Variants in BORA observed in about 807,000 individuals in gnomAD.
The protein encoded by BORA is protein aurora borealis.
A neutral mutation model predicts 55.8 loss-of-function variants in BORA; 26 were observed. The observed-to-expected ratio is 0.47, with a 90% CI of 0.34 to 0.65. The LOEUF (loss-of-function observed/expected upper bound fraction) is 0.65, where lower values mean the gene tolerates loss of function less well. BORA is among the 30% of genes least tolerant of loss of function. The pLI, the probability that BORA is intolerant of heterozygous loss-of-function variation, is 0.01. For synonymous variants in BORA, 201 were observed against 216.9 expected (o/e 0.93, Z 0.64); for missense variants, 568 against 671.5 (o/e 0.85, Z 1.70).
intron 10 of BORA, chr13:72,752,715 T>C (rs2033310491): frequency 6.6e-6 from 1 of 152,178 alleles, no homozygotes; most frequent in Non-Finnish European, 1.5e-5. Context: ...TGACCTCTAG[T>C]AGTAAGCAGA....
chr13:72,746,981 C>T lies in BORA; in HGVS notation c.1352C>T (p.Pro451Leu), dbSNP rs751237877. Residue 451 changes from proline (P) to leucine (L), a missense_variant, in exon 10 of 12, where the codon CCG becomes CTG. By Grantham distance (98) the Pro-to-Leu change is moderately conservative. Transcript: ENST00000390667. ...IADETTWIKE[P>L]VDNGSLPMTD... ...GATGAGACCACTTGGATTAAGGAGC[C>T]GGTTGATAATGGCAGTTTACCCATG... 65 of 1,613,918 alleles carry T rather than the reference C, an allele frequency of 4.0e-5. No homozygotes were observed. Among genetic ancestry groups the T allele is most frequent in the African/African-American group, 6.7e-5 (5 of 74,890 alleles).
At chr13:72,730,187 A>G (rs1387321861) in intron 2 of BORA, among the ~76,000 whole-genome samples, 1 of 152,148 alleles carries the variant, frequency 6.6e-6, no homozygotes, top group Non-Finnish European at 1.5e-5. Context: ...AAAAACTGCA[A>G]ATAGGGTGGC....
At chr13:72,738,679 C>T (rs1408992321) in intron 5 of BORA, among the ~76,000 whole-genome samples, 2 of 152,030 alleles carry the variant, frequency 1.3e-5, no homozygotes, top group African/African-American at 4.8e-5. Context: ...TGTAGTATAC[C>T]TTAATTATGC....
intron 4 of BORA, among the ~76,000 whole-genome samples, chr13:72,736,793 G>T (rs2032936773): frequency 6.6e-6 from 1 of 151,668 alleles, no homozygotes; most frequent in African/African-American, 2.4e-5. Context: ...GTGTGACACT[G>T]CTTGATTTTC....
At chr13:72,738,564 A>G (rs1187854725) in intron 5 of BORA, among the ~76,000 whole-genome samples, 3 of 152,158 alleles carry the variant, frequency 2.0e-5, no homozygotes, top group African/African-American at 7.2e-5. Flanking sequence ...CCTCCAGGCA[A>G]TGGTTGTCAT....
chr13:72,728,251 C>A lies in BORA; in HGVS notation c.-16+244C>A, dbSNP rs560974768. ...CAGAAGTAGACTCTTTTCCACCCCA[C>A]CCCGCCAAGGTGTAGCCTCTGTAGC... On this transcript the variant is annotated intron_variant, in intron 1 of 11. Coordinates refer to ENST00000390667, the MANE Select transcript of BORA (RefSeq NM_024808.5). 3.5e-5 allele frequency: 25 copies of A among 704,986 alleles called. No homozygotes were observed. The South Asian group carries it at 3.6e-4, about 10-fold the overall frequency. The allele number at this position is 704,986 out of a possible 1,614,324, so 43.7% of individuals were successfully genotyped here. A position where few individuals can be genotyped will look rare whatever the true frequency, so the allele number is the denominator to read the frequency against.
At chr13:72,745,249 A>G (rs2138086117) in intron 8 of BORA, 42 bp downstream of exon 8, 2 of 1,507,620 alleles carry the variant, frequency 1.3e-6, no homozygotes, top group Non-Finnish European at 1.8e-6. Context: ...TATGCTGTCA[A>G]GCTTGAACCC....
chr13:72,755,060 G>A (rs1163172842), intron 11 of BORA, 91 bp from the exon 12 acceptor site: 17 of 1,004,858 alleles, frequency 1.7e-5, no homozygotes, highest in South Asian at 5.3e-5. Context: ...CTAAAGAAAC[G>A]TGCTTTTAGG....
In BORA at chr13:72,733,973, C is replaced by T. The variant is rs183676433; in HGVS notation, c.261-987C>T. Among the ~76,000 whole-genome samples, 427 of 152,220 alleles carry T rather than the reference C, an allele frequency of 2.8e-3. 3 individuals carry two copies. Among genetic ancestry groups the T allele is most frequent in the Admixed American group, 4.4e-3 (68 of 15,286 alleles). ...TACAGGAACAGAAAACCAAACCCCTCATGTTCTCACTTATAAGTGGGAGCT... is the reference window on the plus strand; with the variant it reads ...TACAGGAACAGAAAACCAAACCCCTTATGTTCTCACTTATAAGTGGGAGCT... On this transcript the variant is annotated intron_variant, in intron 3 of 11. Transcript: ENST00000390667.
chr13:72,743,899 C>A (rs1408428977), intron 6 of BORA, among the ~76,000 whole-genome samples: 2 of 151,852 alleles, frequency 1.3e-5, no homozygotes, highest in South Asian at 2.1e-4. Context: ...CCACACCTGG[C>A]TAATTTTTGT....
In BORA at chr13:72,755,275, A is replaced by G; in HGVS notation, c.*59A>G. 1 of 1,390,382 alleles carries G rather than the reference A, an allele frequency of 7.2e-7. No homozygotes were observed. The highest frequency in any genetic ancestry group is 1.0e-6 in the Non-Finnish European group (1 of 983,764). 86.1% of individuals were successfully genotyped at this position (1,390,382 alleles called of 1,614,324 possible). A position where few individuals can be genotyped will look rare whatever the true frequency, so the allele number is the denominator to read the frequency against. On this transcript the variant is annotated 3_prime_UTR_variant, in exon 12 of 12. Transcript: ENST00000390667. ...GAGTTCCTCGCATATATCGTTGTGC[A>G]CAGGATCAACATGATGGTGACTGGG...
At chr13:72,747,780 A>C (rs1023685293) in intron 10 of BORA, among the ~76,000 whole-genome samples, 1 of 151,984 alleles carries the variant, frequency 6.6e-6, no homozygotes, top group African/African-American at 2.4e-5. Flanking sequence ...TGATCCGCCC[A>C]CCTCAGCCTC....
rs2032810909 is a variant in BORA at position 72,731,343 on chromosome 13, C to A, written c.216C>A (p.Asp72Glu). 1 of 1,611,886 alleles carries A rather than the reference C, an allele frequency of 6.2e-7. No individual in the cohort carries two copies. Among genetic ancestry groups the A allele is most frequent in the Non-Finnish European group, 8.5e-7 (1 of 1,178,852 alleles). ...QLAVINPVEI[D>E]PEDIHRQALY... ...CTGTAATAAATCCTGTAGAAATAGA[C>A]CCAGAAGATATTCATCGTCAAGCTT... The change falls in exon 3 of 12, where the codon GAC becomes GAA. Residue 72 changes from aspartate (D) to glutamate (E), a missense_variant. Coordinates refer to ENST00000390667, the MANE Select transcript of BORA (RefSeq NM_024808.5).
At chr13:72,749,957 T>C (rs2033231874) in intron 10 of BORA, among the ~76,000 whole-genome samples, 1 of 152,204 alleles carries the variant, frequency 6.6e-6, no homozygotes, top group Non-Finnish European at 1.5e-5. Context: ...ATGCATGTTT[T>C]TATCCCCAGT....
Position 72,756,035 on chromosome 13 carries a change from T to C in BORA, c.*819T>C. The C allele has an allele frequency of 2.5e-6, 1 of 398,496 alleles. No individual in the cohort carries two copies. Among genetic ancestry groups the C allele is most frequent in the Non-Finnish European group, 4.4e-6 (1 of 225,976 alleles). 24.7% of individuals were successfully genotyped at this position (398,496 alleles called of 1,614,324 possible). ...GAAGTAACACTGGGGCAGATATGTA[T>C]GTTATATACAACTATTTTTTTAAAA... On this transcript the variant is annotated 3_prime_UTR_variant, in exon 12 of 12. Coordinates refer to ENST00000390667, the MANE Select transcript of BORA (RefSeq NM_024808.5).
intron 4 of BORA, among the ~76,000 whole-genome samples, chr13:72,737,238 G>A (rs1294690464): frequency 6.6e-6 from 1 of 152,108 alleles, no homozygotes; most frequent in African/African-American, 2.4e-5. Flanking sequence ...CGTGGAAGGA[G>A]TACGATTTAT....
At chr13:72,736,032 G>A (rs1464811628) in intron 4 of BORA, among the ~76,000 whole-genome samples, 6 of 151,690 alleles carry the variant, frequency 4.0e-5, no homozygotes, top group African/African-American at 4.8e-5. Context: ...TTCCTTAGCC[G>A]TACTTGGCTC....
At position 72,745,024 on chromosome 13, in the gene BORA, A is replaced by C. The variant is rs2033111603; in HGVS notation, c.555A>C (p.Gly185=). ...ATGAATTTGCAGATCAATCTCCTGG[A>C]AACCTCAGTTCTTCATCCCTCAGAA... ...RADEFADQSP[G]NLSSSSLRRK... is the part of the protein sequence containing the mutation. The change falls in exon 8 of 12, where the codon GGA becomes GGC. Residue 185 remains glycine (G), a synonymous_variant. Coordinates refer to ENST00000390667, the MANE Select transcript of BORA (RefSeq NM_024808.5). The C allele has an allele frequency of 1.2e-6, 2 of 1,613,994 alleles. No individual in the cohort carries two copies. Among genetic ancestry groups the C allele is most frequent in the African/African-American group, 2.7e-5 (2 of 74,932 alleles).
At chr13:72,746,160 T>C (rs2033136174) in intron 9 of BORA, 84 bp downstream of exon 9, 1 of 1,258,658 alleles carries the variant, frequency 7.9e-7, no homozygotes, top group Non-Finnish European at 1.1e-6. Context: ...TTTGTCTTAA[T>C]GATAGAGCTC....
Sources: allele counts gnomAD v4.1 joint callset (sites outside exome capture counted in the v4.1 genomes callset), GRCh38; gene constraint gnomAD v4.1.1; transcripts MANE v1.5; gene names NCBI Gene and HGNC (gene_info 2026-07-23, HGNC 2026-07-21).